SCHIP1: variants seen among roughly 807,000 people sequenced by gnomAD.
The protein encoded by SCHIP1 is schwannomin-interacting protein 1.
In SCHIP1, 8 loss-of-function variants were observed where a neutral mutation model predicts 29.7. The observed-to-expected ratio is 0.27, with a 90% CI of 0.16 to 0.49. The LOEUF (loss-of-function observed/expected upper bound fraction) is 0.49, where lower values mean the gene tolerates loss of function less well. SCHIP1 is among the 20% of genes least tolerant of loss of function. The pLI is 0.99. For missense variants in SCHIP1, 193 were observed against 294.6 expected (o/e 0.66, Z 2.52); for synonymous variants, 76 against 94.9 (o/e 0.80, Z 1.16).
At chr3:159,558,376 C>G in the SCHIP1 span, among the ~76,000 whole-genome samples, 1 of 152,064 alleles carries the variant, frequency 6.6e-6, no homozygotes, top group African/African-American at 2.4e-5. Flanking sequence ...GTCCTGGAAA[C>G]AAGAAGAAGC....
the SCHIP1 span, among the ~76,000 whole-genome samples, chr3:159,397,632 T>G: frequency 6.6e-6 from 1 of 152,136 alleles, no homozygotes; most frequent in Non-Finnish European, 1.5e-5. Context: ...TTAGGCTGCT[T>G]GGGGGTCAGG....
the SCHIP1 span, among the ~76,000 whole-genome samples, chr3:159,566,474 TAAG>T: frequency 6.6e-6 from 1 of 151,976 alleles, no homozygotes; most frequent in African/African-American, 2.4e-5. Context: ...CATACATAAA[TAAG>T]AAAATAAATA....
chr3:159,402,029 C>G, the SCHIP1 span, among the ~76,000 whole-genome samples: 2 of 152,190 alleles, frequency 1.3e-5, no homozygotes, highest in South Asian at 4.1e-4. Context: ...GCAACCTACT[C>G]ATCTGACAAA....
At chr3:159,642,935 A>G in the SCHIP1 span, among the ~76,000 whole-genome samples, 3 of 152,054 alleles carry the variant, frequency 2.0e-5, no homozygotes, top group East Asian at 5.8e-4. Context: ...GAATGAGAGG[A>G]GATTTTTGGG....
At chr3:159,678,761 G>A in the SCHIP1 span, among the ~76,000 whole-genome samples, 4 of 152,296 alleles carry the variant, frequency 2.6e-5, no homozygotes, top group South Asian at 4.1e-4. Context: ...CCACATGGCC[G>A]GGGAGGCCTC....
the SCHIP1 span, among the ~76,000 whole-genome samples, chr3:159,371,380 CCTAA>C: frequency 6.6e-6 from 1 of 152,082 alleles, no homozygotes; most frequent in African/African-American, 2.4e-5. Context: ...ATTGTAGTTA[CCTAA>C]CTAACTCTTC....
At chr3:159,503,930 A>C in the SCHIP1 span, among the ~76,000 whole-genome samples, 1 of 152,226 alleles carries the variant, frequency 6.6e-6, no homozygotes, top group African/African-American at 2.4e-5. Context: ...GAACTGTGAA[A>C]GTGAGTAATT....
chr3:159,576,924 C>T, the SCHIP1 span, among the ~76,000 whole-genome samples: 1 of 152,144 alleles, frequency 6.6e-6, no homozygotes, highest in Non-Finnish European at 1.5e-5. Flanking sequence ...CTCAAATAAA[C>T]ATTGGAGAAG....
the SCHIP1 span, among the ~76,000 whole-genome samples, chr3:159,306,913 A>G: frequency 1.3e-5 from 2 of 152,330 alleles, no homozygotes; most frequent in East Asian, 3.9e-4. Context: ...ATGTATTTCA[A>G]ATAATTAAAG....
At chr3:159,322,941 T>G in the SCHIP1 span, among the ~76,000 whole-genome samples, 1 of 152,302 alleles carries the variant, frequency 6.6e-6, no homozygotes, top group South Asian at 2.1e-4. Context: ...TGTCCGTGAC[T>G]CCTCAGTGAC....
At chr3:159,296,383 T>C in the SCHIP1 span, among the ~76,000 whole-genome samples, 1 of 152,192 alleles carries the variant, frequency 6.6e-6, no homozygotes, top group Non-Finnish European at 1.5e-5. Context: ...TACATATATA[T>C]TGTGTACCAA....
chr3:159,575,183 G>A, the SCHIP1 span, among the ~76,000 whole-genome samples: 14 of 152,290 alleles, frequency 9.2e-5, no homozygotes, highest in South Asian at 1.5e-3. Flanking sequence ...CGTCTTCTTC[G>A]TCAATCACGC....
the SCHIP1 span, among the ~76,000 whole-genome samples, chr3:159,335,931 A>C: frequency 2.0e-5 from 3 of 152,202 alleles, no homozygotes; most frequent in African/African-American, 4.8e-5. Flanking sequence ...TGACTTCCAC[A>C]ATGGTTGAAC....
the SCHIP1 span, among the ~76,000 whole-genome samples, chr3:159,377,474 A>G: frequency 6.6e-6 from 1 of 152,220 alleles, no homozygotes; most frequent in African/African-American, 2.4e-5. Flanking sequence ...AATAAAATTA[A>G]ATAGGAAGAA....
chr3:159,293,125 A>G, the SCHIP1 span, among the ~76,000 whole-genome samples: 2 of 152,228 alleles, frequency 1.3e-5, no homozygotes, highest in Non-Finnish European at 2.9e-5. Context: ...AATAATTAAA[A>G]CAATTTTTTC....
rs140391593 is a variant in SCHIP1 at position 159,857,528 on chromosome 3, G to A, written c.31-8635G>A. 3.9e-4 allele frequency among the ~76,000 whole-genome samples: 59 copies of A among 152,188 alleles called. No individual in the cohort carries two copies. In the East Asian group the frequency reaches 8.7e-3, roughly 22 times the overall value. ...GTATATTCATAAGGCTGTGCACATC[G>A]TCTAATTCCAGAATTTTTCATCAAC... On this transcript the variant is annotated intron_variant, in intron 1 of 6. Coordinates refer to ENST00000445224, the Ensembl canonical transcript of SCHIP1.
chr3:159,815,592 ACC>A, the SCHIP1 span, among the ~76,000 whole-genome samples: 4 of 152,160 alleles, frequency 2.6e-5, no homozygotes, highest in Non-Finnish European at 5.9e-5. Context: ...TTCATTTTAG[ACC>A]ACAGTTAAGT....
the SCHIP1 span, among the ~76,000 whole-genome samples, chr3:159,712,823 AG>A: frequency 6.8e-6 from 1 of 147,606 alleles, no homozygotes; most frequent in African/African-American, 2.5e-5. Flanking sequence ...GAAAGAAAGA[AG>A]AGAGAAAGAA....
At chr3:159,396,362 T>G in the SCHIP1 span, among the ~76,000 whole-genome samples, 1 of 148,466 alleles carries the variant, frequency 6.7e-6, no homozygotes, top group Non-Finnish European at 1.5e-5. Context: ...ATCCTGTCAT[T>G]ATGATGTTAG....
Sources: gnomAD v4.1 joint callset for allele counts (sites outside exome capture counted in the v4.1 genomes callset) on GRCh38, gnomAD v4.1.1 for gene constraint, MANE v1.5 for transcripts, NCBI Gene and HGNC (gene_info 2026-07-23, HGNC 2026-07-21) for gene names.